LAMA2: variants seen among roughly 807,000 people sequenced by gnomAD.
LAMA2 encodes laminin subunit alpha-2.
A neutral mutation model predicts 364.8 loss-of-function variants in LAMA2; 269 were observed. That is an observed-to-expected ratio of 0.74 (90% CI 0.67 to 0.82). The LOEUF (loss-of-function observed/expected upper bound fraction) is 0.82, where lower values mean the gene tolerates loss of function less well. LAMA2 is among the 40% of genes least tolerant of loss of function. LAMA2 has a pLI of 0.00. For synonymous variants in LAMA2, 1,379 were observed against 1,370.6 expected (o/e 1.01, Z -0.14); for missense variants, 3,807 against 3,873.2 (o/e 0.98, Z 0.45).
chr6:128,949,689 A>G (rs1780692291), intron 1 of LAMA2, among the ~76,000 whole-genome samples: 1 of 152,184 alleles, frequency 6.6e-6, no homozygotes, highest in Admixed American at 6.6e-5. Flanking sequence ...AAAAACAGAT[A>G]CATTCAGTGA....
chr6:129,202,648 C>T (rs949418524), intron 12 of LAMA2, among the ~76,000 whole-genome samples: 14 of 152,136 alleles, frequency 9.2e-5, no homozygotes, highest in Non-Finnish European at 1.6e-4. Context: ...CATCAGTACA[C>T]TTTGCAAGCC....
At chr6:128,896,213 G>A (rs1045737570) in intron 1 of LAMA2, among the ~76,000 whole-genome samples, 7 of 151,844 alleles carry the variant, frequency 4.6e-5, no homozygotes, top group Non-Finnish European at 8.8e-5. Context: ...TGTGTATCCA[G>A]CCCAATATGT....
At chr6:129,258,360 G>T (rs1451787385) in intron 14 of LAMA2, among the ~76,000 whole-genome samples, 1 of 152,008 alleles carries the variant, frequency 6.6e-6, no homozygotes, top group Admixed American at 6.6e-5. Context: ...TTCATCAACT[G>T]ATGAATGAAT....
chr6:129,095,718 C>T (rs1007651447), intron 3 of LAMA2, among the ~76,000 whole-genome samples: 3 of 147,566 alleles, frequency 2.0e-5, no homozygotes, highest in African/African-American at 7.6e-5. Flanking sequence ...TGAGACCAGC[C>T]TTACCAATAT....
chr6:129,043,095 C>T (rs897020865), intron 1 of LAMA2, among the ~76,000 whole-genome samples: 1 of 152,118 alleles, frequency 6.6e-6, no homozygotes, highest in East Asian at 1.9e-4. Flanking sequence ...AAGGGTTGTG[C>T]TAATTTACAT....
chr6:129,010,686 G>T (rs948405421), intron 1 of LAMA2, among the ~76,000 whole-genome samples: 3 of 152,194 alleles, frequency 2.0e-5, no homozygotes, highest in African/African-American at 7.2e-5. Flanking sequence ...GAGAAATGTA[G>T]TTCATTACTT....
At chr6:129,258,388 T>C (rs1347355440) in intron 14 of LAMA2, among the ~76,000 whole-genome samples, 2 of 152,060 alleles carry the variant, frequency 1.3e-5, no homozygotes, top group Admixed American at 1.3e-4. Flanking sequence ...ATGTGGCATG[T>C]ACATGCAGTG....
intron 12 of LAMA2, among the ~76,000 whole-genome samples, chr6:129,210,220 A>C (rs949955931): frequency 1.3e-5 from 2 of 152,114 alleles, no homozygotes; most frequent in African/African-American, 4.8e-5. Flanking sequence ...AGGCTTTAAA[A>C]AAACAAACAA....
intron 30 of LAMA2, among the ~76,000 whole-genome samples, chr6:129,347,779 C>A (rs1776633963): frequency 6.6e-6 from 1 of 152,116 alleles, no homozygotes; most frequent in South Asian, 2.1e-4. Context: ...AGATGGAATC[C>A]CTACTCCCTC....
At chr6:129,287,653 T>C (rs1789370597) in intron 18 of LAMA2, among the ~76,000 whole-genome samples, 194 bp from the exon 19 acceptor site, 1 of 152,144 alleles carries the variant, frequency 6.6e-6, no homozygotes, top group South Asian at 2.1e-4. Flanking sequence ...TAATTACTAG[T>C]GGGCTGGCAG....
chr6:129,317,889 G>A (rs1423081064), intron 27 of LAMA2, among the ~76,000 whole-genome samples: 1 of 151,318 alleles, frequency 6.6e-6, no homozygotes, highest in African/African-American at 2.4e-5. Context: ...CCTACACTGT[G>A]ACACTTTGTC....
chr6:128,927,219 CTCTTT>C (rs1779155155), intron 1 of LAMA2, among the ~76,000 whole-genome samples: 1 of 152,190 alleles, frequency 6.6e-6, no homozygotes, highest in South Asian at 2.1e-4. Flanking sequence ...GGCCTTCAAA[CTCTTT>C]TCTTGATAAC....
chr6:129,360,668 C>G (rs1379571270), intron 32 of LAMA2, among the ~76,000 whole-genome samples: 2 of 152,150 alleles, frequency 1.3e-5, no homozygotes, highest in East Asian at 3.8e-4. Context: ...TAATAATAAA[C>G]CTTTGGACAC....
intron 49 of LAMA2, among the ~76,000 whole-genome samples, chr6:129,462,315 C>A (rs1489321544): frequency 6.6e-6 from 1 of 151,816 alleles, no homozygotes; most frequent in African/African-American, 2.4e-5. Flanking sequence ...GCTGAAGACA[C>A]CAACCTCAAA....
intron 4 of LAMA2, among the ~76,000 whole-genome samples, chr6:129,137,305 C>T (rs529491916): frequency 4.6e-5 from 7 of 151,626 alleles, no homozygotes; most frequent in African/African-American, 1.7e-4. Flanking sequence ...ATTCAGTGCC[C>T]TACATGCTGC....
intron 40 of LAMA2, among the ~76,000 whole-genome samples, chr6:129,407,010 C>T (rs1047336795): frequency 1.3e-5 from 2 of 152,154 alleles, no homozygotes; most frequent in Non-Finnish European, 2.9e-5. Context: ...TGTTCAAGGG[C>T]AGGAAGTATC....
chr6:129,278,201 CAAATA>C (rs991505628), intron 17 of LAMA2, among the ~76,000 whole-genome samples: 1 of 152,088 alleles, frequency 6.6e-6, no homozygotes, highest in African/African-American at 2.4e-5. Flanking sequence ...GACTCTGTCT[CAAATA>C]AAATAAAATA....
At chr6:128,922,170 C>G (rs4521616) in intron 1 of LAMA2, among the ~76,000 whole-genome samples, 136,881 of 151,918 alleles carry the variant, frequency 0.9, 61,854 homozygotes, top group African/African-American at 0.96. Flanking sequence ...ATAAACATAC[C>G]TGTGTATGTG....
At chr6:129,039,646 G>T (rs1290543484) in intron 1 of LAMA2, among the ~76,000 whole-genome samples, 1 of 152,224 alleles carries the variant, frequency 6.6e-6, no homozygotes, top group African/African-American at 2.4e-5. Context: ...GACCAGTTTT[G>T]TGGAAGACAA....
Sources: gnomAD v4.1 joint callset for allele counts (sites outside exome capture counted in the v4.1 genomes callset) on GRCh38, gnomAD v4.1.1 for gene constraint, MANE v1.5 for transcripts, NCBI Gene and HGNC (gene_info 2026-07-23, HGNC 2026-07-21) for gene names.